Variants in ESR1 observed in about 807,000 individuals in gnomAD.
The protein encoded by ESR1 is estrogen receptor.
ESR1 carries 12 observed loss-of-function variants against 52.7 expected under a neutral mutation model. The ratio of observed to expected loss-of-function variants is 0.23; its 90% CI spans 0.15 to 0.37. The LOEUF (loss-of-function observed/expected upper bound fraction) is 0.37, where lower values mean the gene tolerates loss of function less well. ESR1 is among the 10% of genes least tolerant of loss of function. ESR1 has a pLI of 1.00. For missense variants in ESR1, 584 were observed against 779.7 expected (o/e 0.75, Z 2.99); for synonymous variants, 305 against 316.8 (o/e 0.96, Z 0.39).
intron 1 of ESR1, among the ~76,000 whole-genome samples, chr6:151,701,314 T>C (rs368056531): frequency 4.0e-5 from 6 of 149,560 alleles, no homozygotes; most frequent in Admixed American, 2.7e-4. Flanking sequence ...TCACCGGAGG[T>C]CAGGAATTGG....
At chr6:152,092,691 G>T (rs1198092483) in intron 6 of ESR1, among the ~76,000 whole-genome samples, 3 of 152,148 alleles carry the variant, frequency 2.0e-5, no homozygotes, top group Non-Finnish European at 4.4e-5. Flanking sequence ...TCCCTGCAAG[G>T]CGCTGTGATT....
rs998699757 is a variant in ESR1, at chr6:152,036,513, A to G, written c.1236-24478A>G. 2.0e-5 allele frequency among the ~76,000 whole-genome samples: 3 copies of G among 152,232 alleles called. No individual in the cohort carries two copies. In the South Asian group the frequency reaches 6.2e-4, roughly 31 times the overall value. The stretch of plus-strand genomic sequence containing the variant: ...AATATTATGCTGAGAATATGGCAAG[A>G]AAAAAGAAAACAACCTCCACCACTC... On this transcript the variant is annotated intron_variant, in intron 5 of 7. Coordinates refer to ENST00000206249, the MANE Select transcript of ESR1 (RefSeq NM_000125.4).
At chr6:152,065,970 T>A (rs576386203) in intron 6 of ESR1, among the ~76,000 whole-genome samples, 2 of 152,322 alleles carry the variant, frequency 1.3e-5, no homozygotes, top group South Asian at 4.1e-4. Context: ...GAGAAAGAAT[T>A]ATGGCAACAT....
intron 1 of ESR1, among the ~76,000 whole-genome samples, chr6:151,680,541 G>A (rs929917477): frequency 6.6e-6 from 1 of 152,078 alleles, no homozygotes; most frequent in African/African-American, 2.4e-5. Context: ...AGCAGAAAGA[G>A]ATCAAAGAGC....
chr6:151,880,882 G>A (rs9340847), intron 3 of ESR1, 111 bp downstream of exon 3: 1 of 670,904 alleles, frequency 1.5e-6, no homozygotes, highest in African/African-American at 1.8e-5. Flanking sequence ...TCTTTTAATT[G>A]TTTTTTTTCT....
At chr6:152,008,676 C>A (rs994422698) in intron 4 of ESR1, among the ~76,000 whole-genome samples, 1 of 151,964 alleles carries the variant, frequency 6.6e-6, no homozygotes, top group Non-Finnish European at 1.5e-5. Flanking sequence ...TATCATCCTG[C>A]GTGATTCTTT....
At position 151,776,394 on chromosome 6, in the gene ESR1, T is replaced by G. The variant is rs138711581; in HGVS notation, c.-70-31449T>G. On this transcript the variant is annotated intron_variant, in intron 2 of 2. Coordinates refer to the ESR1 transcript ENST00000404742. The stretch of plus-strand genomic sequence containing the variant: ...AGCAGAGGCTGTCTGTTCTCTGCCC[T>G]TGGTGTGAGAAGAAAAGGACTGACA... Among the ~76,000 whole-genome samples, 1,226 of 152,338 alleles carry G rather than the reference T, an allele frequency of 8.0e-3. 7 individuals are homozygous for G. The highest frequency in any genetic ancestry group is 0.068 in the Middle Eastern group (20 of 294).
chr6:152,055,389 G>A (rs6932902), intron 5 of ESR1, among the ~76,000 whole-genome samples: 32,436 of 151,898 alleles, frequency 0.21, 4,913 homozygotes, highest in African/African-American at 0.42. Flanking sequence ...CCTTTCCCTC[G>A]TGACTTAACG....
chr6:151,749,093 C>CA (rs1783701216), intron 2 of ESR1, among the ~76,000 whole-genome samples: 1 of 146,850 alleles, frequency 6.8e-6, no homozygotes, highest in African/African-American at 2.5e-5. Flanking sequence ...GAAATAGAGG[C>CA]AAGTATTATA....
In ESR1 at chr6:151,714,344, T is replaced by C. The variant is rs543263268; in HGVS notation, c.-71+12339T>C. 2.0e-4 allele frequency among the ~76,000 whole-genome samples: 30 copies of C among 152,340 alleles called. 1 individual carries two copies. Among genetic ancestry groups the C allele is most frequent in the Middle Eastern group, 6.8e-3 (2 of 294 alleles). ...TGGGGTGGAGACTTCTATAGATGTC[T>C]ATTAGGTCTGCTTGGTCCAGAGGTG... On this transcript the variant is annotated intron_variant, in intron 2 of 2. Coordinates refer to the ESR1 transcript ENST00000404742.
At chr6:151,746,666 G>A (rs1334274936) in intron 2 of ESR1, among the ~76,000 whole-genome samples, 1 of 152,174 alleles carries the variant, frequency 6.6e-6, no homozygotes, top group African/African-American at 2.4e-5. Flanking sequence ...ACTAATTAGG[G>A]TGACAATATG....
intron 4 of ESR1, among the ~76,000 whole-genome samples, chr6:151,971,825 A>G (rs1415317482): frequency 6.6e-6 from 1 of 152,174 alleles, no homozygotes; most frequent in African/African-American, 2.4e-5. Context: ...AACTAAATGA[A>G]ATTGAAACAA....
chr6:151,794,320 C>T (rs1343141625), intron 2 of ESR1, among the ~76,000 whole-genome samples: 1 of 152,062 alleles, frequency 6.6e-6, no homozygotes, highest in Non-Finnish European at 1.5e-5. Context: ...AATGGAAAGA[C>T]TAAAAGATAA....
intron 3 of ESR1, among the ~76,000 whole-genome samples, chr6:151,900,923 C>T (rs988516128): frequency 2.0e-5 from 3 of 152,236 alleles, no homozygotes; most frequent in African/African-American, 7.2e-5. Flanking sequence ...GGTTGGCCTC[C>T]TGCCAGGAGG....
chr6:151,876,440 T>G (rs1791834665), intron 2 of ESR1, among the ~76,000 whole-genome samples: 1 of 152,190 alleles, frequency 6.6e-6, no homozygotes. Context: ...CAATATTATA[T>G]TGGCTTTCTC....
chr6:151,866,361 C>T (rs1384907474), intron 2 of ESR1, among the ~76,000 whole-genome samples: 2 of 151,548 alleles, frequency 1.3e-5, no homozygotes, highest in African/African-American at 4.8e-5. Context: ...TTATACTTTA[C>T]GTTTGGGGAT....
intron 2 of ESR1, among the ~76,000 whole-genome samples, chr6:151,765,946 A>G (rs1470443134): frequency 6.6e-6 from 1 of 152,214 alleles, no homozygotes; most frequent in African/African-American, 2.4e-5. Context: ...GGTGATTCCA[A>G]GAGACTCTTA....
At chr6:151,740,833 C>G (rs1783044232) in intron 2 of ESR1, among the ~76,000 whole-genome samples, 2 of 152,158 alleles carry the variant, frequency 1.3e-5, no homozygotes, top group African/African-American at 2.4e-5. Context: ...CTCCTTAAAC[C>G]CTAGGATTTT....
At chr6:151,696,060 T>A (rs1036687762) in intron 1 of ESR1, among the ~76,000 whole-genome samples, 18 of 152,206 alleles carry the variant, frequency 1.2e-4, no homozygotes, top group African/African-American at 4.3e-4. Context: ...ATAGTTTAAT[T>A]TAACTCATAT....
Sources: gnomAD v4.1 joint callset for allele counts (sites outside exome capture counted in the v4.1 genomes callset) on GRCh38, gnomAD v4.1.1 for gene constraint, MANE v1.5 for transcripts, NCBI Gene and HGNC (gene_info 2026-07-23, HGNC 2026-07-21) for gene names.